The following CMSS1 variants were observed in gnomAD, a reference collection of about 807,000 sequenced individuals.
CMSS1 encodes cms1 ribosomal small subunit homolog.
A neutral mutation model predicts 43.5 loss-of-function variants in CMSS1; 33 were observed. The ratio of observed to expected loss-of-function variants is 0.76; its 90% CI spans 0.57 to 1.01. The LOEUF is 1.01. Among genes scored for constraint, CMSS1 ranks in the 50% least tolerant of loss-of-function variants. The pLI, the probability that CMSS1 is intolerant of heterozygous loss-of-function variation, is 0.00. For missense variants in CMSS1, 313 were observed against 326.4 expected (o/e 0.96, Z 0.32); for synonymous variants, 115 against 117.2 (o/e 0.98, Z 0.12).
intron 1 of CMSS1, among the ~76,000 whole-genome samples, chr3:100,102,589 T>G (rs541474421): frequency 8.2e-4 from 125 of 152,348 alleles, no homozygotes; most frequent in African/African-American, 2.9e-3. Context: ...GTGTTTTTCC[T>G]ACTTCCATTA....
intron 1 of CMSS1, among the ~76,000 whole-genome samples, chr3:100,028,904 G>GAC (rs202126886): frequency 1.3e-5 from 2 of 151,972 alleles, no homozygotes; most frequent in African/African-American, 2.4e-5. Context: ...CACACACAAA[G>GAC]ACACACACAC....
chr3:99,822,408 T>C (rs1258002886), intron 1 of CMSS1, among the ~76,000 whole-genome samples: 6 of 152,204 alleles, frequency 3.9e-5, no homozygotes, highest in African/African-American at 7.2e-5. Context: ...GACACTGCTA[T>C]GTACAGTGCC....
At chr3:99,899,172 C>A (rs537973092) in intron 1 of CMSS1, among the ~76,000 whole-genome samples, 11 of 152,160 alleles carry the variant, frequency 7.2e-5, no homozygotes, top group South Asian at 2.1e-4. Context: ...CTAAAAATAT[C>A]TTTTAAAAGA....
At position 100,101,890 on chromosome 3, in the gene CMSS1, G is replaced by A. The variant is rs868727032; in HGVS notation, c.65-45083G>A. Reference sequence around the variant, plus strand: ...GCAGTGTTTGGTTTTTTGTCCTTGCGATAGTTTGCTGAGAATGATGGTTTC... The same window carrying A: ...GCAGTGTTTGGTTTTTTGTCCTTGCAATAGTTTGCTGAGAATGATGGTTTC... On this transcript the variant is annotated intron_variant, in intron 1 of 9. Coordinates refer to ENST00000421999, the MANE Select transcript of CMSS1 (RefSeq NM_032359.4). 9.7e-4 allele frequency among the ~76,000 whole-genome samples: 147 copies of A among 152,126 alleles called. 1 individual carries two copies. In the Middle Eastern group the frequency reaches 0.017, roughly 18 times the overall value.
intron 1 of CMSS1, among the ~76,000 whole-genome samples, chr3:100,096,324 A>G (rs565359014): frequency 6.6e-6 from 1 of 152,354 alleles, no homozygotes; most frequent in South Asian, 2.1e-4. Flanking sequence ...TGTTCATTGC[A>G]GCACTGTTCA....
chr3:100,168,438 T>TA (rs1341014166), intron 6 of CMSS1, among the ~76,000 whole-genome samples: 1 of 152,124 alleles, frequency 6.6e-6, no homozygotes, highest in Non-Finnish European at 1.5e-5. Flanking sequence ...ATTGTGCCTA[T>TA]AATCCTATCA....
intron 1 of CMSS1, among the ~76,000 whole-genome samples, chr3:99,857,965 T>C (rs1379067940): frequency 1.3e-5 from 2 of 152,178 alleles, no homozygotes; most frequent in Admixed American, 1.3e-4. Flanking sequence ...GAGGATCCTA[T>C]TCTCAAAGTG....
intron 1 of CMSS1, among the ~76,000 whole-genome samples, chr3:100,075,961 T>C (rs1160325489): frequency 2.2e-4 from 33 of 152,186 alleles, no homozygotes; most frequent in Non-Finnish European, 1.5e-5. Flanking sequence ...CTCCAGGCAA[T>C]AGGCCCTCAG....
At chr3:100,078,575 C>G (rs1198956116) in intron 1 of CMSS1, among the ~76,000 whole-genome samples, 1 of 151,714 alleles carries the variant, frequency 6.6e-6, no homozygotes, top group Non-Finnish European at 1.5e-5. Flanking sequence ...CCAACACTAG[C>G]GATAGCTGAT....
intron 1 of CMSS1, among the ~76,000 whole-genome samples, chr3:99,886,099 C>T (rs1466267399): frequency 1.3e-5 from 2 of 152,234 alleles, no homozygotes; most frequent in Non-Finnish European, 2.9e-5. Flanking sequence ...ACAGAACACT[C>T]TATGTGTGCA....
chr3:99,970,458 A>G (rs1444388002), intron 1 of CMSS1, among the ~76,000 whole-genome samples: 1 of 152,254 alleles, frequency 6.6e-6, no homozygotes, highest in African/African-American at 2.4e-5. Flanking sequence ...TCATTCTCAC[A>G]TACTCTGTGC....
chr3:99,962,298 G>A (rs974003398), intron 1 of CMSS1, among the ~76,000 whole-genome samples: 8 of 152,148 alleles, frequency 5.3e-5, no homozygotes, highest in Admixed American at 3.3e-4. Flanking sequence ...AGATGAGGTC[G>A]CATGTGATGG....
At chr3:99,938,000 A>T (rs77769870) in intron 1 of CMSS1, among the ~76,000 whole-genome samples, 2,039 of 152,314 alleles carry the variant, frequency 0.013, 39 homozygotes, top group African/African-American at 0.043. Context: ...AAAGACAAAT[A>T]AATTAATATC....
chr3:99,942,504 A>C (rs1222794516), intron 1 of CMSS1, among the ~76,000 whole-genome samples: 1 of 152,216 alleles, frequency 6.6e-6, no homozygotes, highest in East Asian at 1.9e-4. Context: ...GAAAGAAAGC[A>C]CTAGGCACAT....
At position 100,047,500 on chromosome 3, in the gene CMSS1, C is replaced by T. The variant is rs184554545; in HGVS notation, c.65-99473C>T. On this transcript the variant is annotated intron_variant, in intron 1 of 9. Transcript: ENST00000421999. ...AGAATACCATTATTATTCATAACCT[C>T]TGAAACCAGCGAGGGTCATAAAGCT... Among the ~76,000 whole-genome samples, 9 of 152,300 alleles carry T rather than the reference C, an allele frequency of 5.9e-5. No individual in the cohort carries two copies. The East Asian group carries it at 1.7e-3, about 29-fold the overall frequency.
chr3:99,916,437 T>TACACACACACACACACACACAC (rs10529210), intron 1 of CMSS1, among the ~76,000 whole-genome samples: 1 of 137,068 alleles, frequency 7.3e-6, no homozygotes, highest in African/African-American at 2.8e-5. Context: ...TAACGGTTTA[T>TACACACACACACACACACACAC]ACACACACAC....
At chr3:100,092,093 A>T (rs546891464) in intron 1 of CMSS1, among the ~76,000 whole-genome samples, 2 of 152,352 alleles carry the variant, frequency 1.3e-5, no homozygotes, top group East Asian at 3.9e-4. Context: ...GTCCTTAAAA[A>T]TGTACTCTGT....
chr3:99,986,536 G>A (rs886243704), intron 1 of CMSS1, among the ~76,000 whole-genome samples: 4 of 152,256 alleles, frequency 2.6e-5, no homozygotes, highest in Middle Eastern at 3.4e-3. Context: ...CTTATATGAG[G>A]TTGGTAGGTA....
At chr3:99,984,794 A>G (rs2107739794) in intron 1 of CMSS1, among the ~76,000 whole-genome samples, 1 of 152,354 alleles carries the variant, frequency 6.6e-6, no homozygotes, top group Middle Eastern at 3.4e-3. Flanking sequence ...AGTATATGAT[A>G]AAATCAAGGA....
Sources: allele counts gnomAD v4.1 joint callset (sites outside exome capture counted in the v4.1 genomes callset), GRCh38; gene constraint gnomAD v4.1.1; transcripts MANE v1.5; gene names NCBI Gene and HGNC (gene_info 2026-07-23, HGNC 2026-07-21).